The following CEP57L1 variants were observed in gnomAD, a reference collection of about 807,000 sequenced individuals.
The protein encoded by CEP57L1 is centrosomal protein 57 like 1.
In CEP57L1, 37 loss-of-function variants were observed where a neutral mutation model predicts 61.0. That is an observed-to-expected ratio of 0.61 (90% CI 0.47 to 0.80). The LOEUF (loss-of-function observed/expected upper bound fraction) is 0.80, where lower values mean the gene tolerates loss of function less well. Among genes scored for constraint, CEP57L1 ranks in the 30% least tolerant of loss-of-function variants. The pLI, the probability that CEP57L1 is intolerant of heterozygous loss-of-function variation, is 0.00. For synonymous variants in CEP57L1, 137 were observed against 162.3 expected, an observed-to-expected ratio of 0.84 and a Z score of 1.19; for missense variants, 422 against 524.7, an observed-to-expected ratio of 0.80 and a Z score of 1.91.
In CEP57L1 at chr6:109,107,366, G is replaced by A. The variant is rs181530966; in HGVS notation, c.-4+11791G>A. Among the ~76,000 whole-genome samples the A allele has an allele frequency of 3.4e-4, 51 of 151,966 alleles. No homozygotes were observed. The Middle Eastern group carries it at 0.017, about 51-fold the overall frequency. ...ATACTTTTGTGTGTAGGTTAGAGGA[G>A]AGTTTTCTCTTTCATATTAATCAGA... On this transcript the variant is annotated intron_variant, in intron 1 of 10. Transcript: ENST00000517392.
chr6:109,128,983 G>T (rs916696789), intron 1 of CEP57L1, among the ~76,000 whole-genome samples: 7 of 152,142 alleles, frequency 4.6e-5, no homozygotes, highest in African/African-American at 1.7e-4. Context: ...TGGATCACCT[G>T]AGGTCAGGAG....
rs189957267 is a variant in CEP57L1 at position 109,101,359 on chromosome 6, G to T, written c.-4+5784G>T. 2.1e-4 allele frequency among the ~76,000 whole-genome samples: 32 copies of T among 152,238 alleles called. No homozygotes were observed. The East Asian group carries it at 5.8e-3, about 28-fold the overall frequency. On this transcript the variant is annotated intron_variant, in intron 1 of 10. Coordinates refer to ENST00000517392, the MANE Select transcript of CEP57L1 (RefSeq NM_001271852.3). ...TTATAGTTATTTTATGTCTTTATAT[G>T]TATGGCTTGGGAGCTCATTTGTTTT...
chr6:109,137,091 A>G (rs574118972), intron 1 of CEP57L1, among the ~76,000 whole-genome samples: 5 of 151,884 alleles, frequency 3.3e-5, no homozygotes, highest in Non-Finnish European at 7.4e-5. Context: ...ACCTTTCATT[A>G]TTTTCATAAG....
intron 1 of CEP57L1, among the ~76,000 whole-genome samples, chr6:109,126,816 G>T (rs1773601528): frequency 6.6e-6 from 1 of 152,252 alleles, no homozygotes; most frequent in South Asian, 2.1e-4. Flanking sequence ...ACAATTAGAT[G>T]CTATATTATA....
In CEP57L1 at chr6:109,173,986, G is replaced by A. The variant is rs1315348541; in HGVS notation, c.*11016G>A. On this transcript the variant is annotated 3_prime_UTR_variant, in exon 11 of 11. Transcript: ENST00000517392. Reference sequence around the variant, plus strand: ...GTGGTGGCATGCACCTGTAGTCTCAGCTACTCATCAGGCTGAGGCAGGAGA... The same window carrying A: ...GTGGTGGCATGCACCTGTAGTCTCAACTACTCATCAGGCTGAGGCAGGAGA... Among the ~76,000 whole-genome samples the A allele has an allele frequency of 6.6e-6, 1 of 151,412 alleles. No homozygotes were observed. The highest frequency in any genetic ancestry group is 1.5e-5 in the Non-Finnish European group (1 of 67,932).
At chr6:109,143,326 A>T (rs1771621051) in intron 1 of CEP57L1, among the ~76,000 whole-genome samples, 1 of 152,134 alleles carries the variant, frequency 6.6e-6, no homozygotes, top group South Asian at 2.1e-4. Context: ...ACCTTCTTTC[A>T]GAGTGAGTTT....
rs886989628 is a variant in CEP57L1 at position 109,164,064 on chromosome 6, A to G, written c.*1094A>G. The G allele has an allele frequency of 1.3e-5, 2 of 152,188 alleles. No homozygotes were observed. The highest frequency in any genetic ancestry group is 4.1e-4 in the South Asian group (2 of 4,834). The allele number at this position is 152,188 out of a possible 1,614,324, so 9.4% of individuals were successfully genotyped here. On this transcript the variant is annotated 3_prime_UTR_variant, in exon 11 of 11. Transcript: ENST00000517392. ...TGGAGGAGCTCAAATATAGGGTAGCAGTTTAAGAGATGGTGATTCCTAAGG... is the reference window on the plus strand; with the variant it reads ...TGGAGGAGCTCAAATATAGGGTAGCGGTTTAAGAGATGGTGATTCCTAAGG...
chr6:109,146,687 T>C (rs1771996836), intron 2 of CEP57L1, 71 bp from the exon 3 acceptor site: 1 of 1,043,530 alleles, frequency 9.6e-7, no homozygotes, highest in Non-Finnish European at 1.4e-6. Context: ...TGCTTATTTT[T>C]CTTATGTTAC....
intron 1 of CEP57L1, among the ~76,000 whole-genome samples, chr6:109,141,194 C>G (rs112952485): frequency 2.6e-5 from 4 of 152,058 alleles, no homozygotes; most frequent in African/African-American, 7.2e-5. Flanking sequence ...CAAGATGAAG[C>G]CTTAAATGGA....
At chr6:109,130,951 C>G (rs748530303) in intron 1 of CEP57L1, 1 of 152,110 alleles carries the variant, frequency 6.6e-6, no homozygotes, top group Non-Finnish European at 1.5e-5. Flanking sequence ...TAGGACCATG[C>G]AAATATCCTG....
chr6:109,149,707 G>T (rs1772379888), intron 3 of CEP57L1, among the ~76,000 whole-genome samples: 1 of 152,058 alleles, frequency 6.6e-6, no homozygotes, highest in Non-Finnish European at 1.5e-5. Context: ...AATTACTTTG[G>T]GCAGTATGGC....
At chr6:109,115,579 C>T (rs929655027) in intron 1 of CEP57L1, among the ~76,000 whole-genome samples, 21 of 151,604 alleles carry the variant, frequency 1.4e-4, no homozygotes, top group Non-Finnish European at 2.1e-4. Flanking sequence ...AAATAAATAA[C>T]GTTAAGAAAA....
intron 1 of CEP57L1, among the ~76,000 whole-genome samples, chr6:109,141,290 A>G (rs1339668463): frequency 3.3e-5 from 5 of 151,906 alleles, no homozygotes; most frequent in Non-Finnish European, 5.9e-5. Context: ...ATCTCGGCTC[A>G]CTGCAGCCTC....
intron 1 of CEP57L1, among the ~76,000 whole-genome samples, chr6:109,142,964 T>G (rs1044341565): frequency 9.2e-5 from 9 of 97,906 alleles, no homozygotes; most frequent in South Asian, 4.2e-4. Flanking sequence ...TCTCTCTCTC[T>G]CTCTCTCTCT....
At chr6:109,128,919 C>A (rs1272363717) in intron 1 of CEP57L1, among the ~76,000 whole-genome samples, 1 of 152,164 alleles carries the variant, frequency 6.6e-6, no homozygotes, top group Non-Finnish European at 1.5e-5. Context: ...TAACTGAAGG[C>A]CGGGCACAGT....
intron 1 of CEP57L1, among the ~76,000 whole-genome samples, chr6:109,097,885 T>G (rs1781900863): frequency 6.6e-6 from 1 of 152,130 alleles, no homozygotes; most frequent in South Asian, 2.1e-4. Flanking sequence ...ATGAAGAGAA[T>G]TAGTGCAAAG....
Position 109,155,888 on chromosome 6 carries a change from A to T in CEP57L1, c.744+11A>T, listed in dbSNP as rs1002551714. On this transcript the variant is annotated intron_variant, in intron 7 of 10. Coordinates refer to ENST00000517392, the MANE Select transcript of CEP57L1 (RefSeq NM_001271852.3). ...AAGAAATCTTCAAAGGTGTGCATAT[A>T]AAATTTTTTCCCAAACAAAAATACT... 4.9e-5 allele frequency: 73 copies of T among 1,493,628 alleles called. No individual in the cohort carries two copies. The highest frequency in any genetic ancestry group is 6.5e-5 in the Non-Finnish European group (70 of 1,084,316). 92.5% of individuals were successfully genotyped at this position (1,493,628 alleles called of 1,614,324 possible).
intron 3 of CEP57L1, among the ~76,000 whole-genome samples, chr6:109,148,224 C>T (rs999536607): frequency 3.3e-5 from 5 of 151,976 alleles, no homozygotes; most frequent in Non-Finnish European, 5.9e-5. Context: ...CCCATTAACT[C>T]GTCATTTAGC....
At chr6:109,148,776 A>C (rs1562124340) in intron 3 of CEP57L1, among the ~76,000 whole-genome samples, 1 of 152,096 alleles carries the variant, frequency 6.6e-6, no homozygotes, top group Non-Finnish European at 1.5e-5. Flanking sequence ...CCTCTCCAGC[A>C]CCTGTTGTTT....
Sources: allele counts gnomAD v4.1 joint callset (sites outside exome capture counted in the v4.1 genomes callset), GRCh38; gene constraint gnomAD v4.1.1; transcripts MANE v1.5; gene names NCBI Gene and HGNC (gene_info 2026-07-23, HGNC 2026-07-21).